MCC: variants seen among roughly 807,000 people sequenced by gnomAD.
The protein encoded by MCC is MCC regulator of Wnt signaling pathway, also known as colorectal mutant cancer protein.
In MCC, 90 loss-of-function variants were observed where a neutral mutation model predicts 116.2. The observed-to-expected ratio is 0.77, with a 90% CI of 0.65 to 0.92. MCC has a LOEUF of 0.92. Ranked by LOEUF, MCC falls within the 40% of genes least tolerant of loss-of-function variation. The pLI is 0.00. For missense variants in MCC, 1,516 were observed against 1,312.2 expected (o/e 1.16, Z -2.40); for synonymous variants, 578 against 510.5 (o/e 1.13, Z -1.78).
intron 3 of MCC, among the ~76,000 whole-genome samples, chr5:113,334,568 C>G: frequency 6.9e-6 from 1 of 144,588 alleles, no homozygotes; most frequent in South Asian, 2.2e-4. Flanking sequence ...TTGGAAGTGA[C>G]AATTCAAGGT....
At chr5:113,082,150 G>C (rs552423646) in intron 11 of MCC, among the ~76,000 whole-genome samples, 1 of 152,304 alleles carries the variant, frequency 6.6e-6, no homozygotes, top group South Asian at 2.1e-4. Flanking sequence ...TTTGCCAACA[G>C]GCAAAAGGGC....
chr5:113,248,082 A>C (rs1480991768), intron 3 of MCC, among the ~76,000 whole-genome samples: 2 of 152,124 alleles, frequency 1.3e-5, no homozygotes, highest in African/African-American at 2.4e-5. Context: ...GAAAAGCCTC[A>C]AAAGGAAGCT....
At chr5:113,238,744 G>C (rs982460613) in intron 3 of MCC, among the ~76,000 whole-genome samples, 2 of 152,152 alleles carry the variant, frequency 1.3e-5, no homozygotes, top group African/African-American at 4.8e-5. Flanking sequence ...TTCTTACCAT[G>C]GTTTGCCTCG....
At chr5:113,420,492 T>C (rs1405603175) in intron 1 of MCC, among the ~76,000 whole-genome samples, 1 of 152,192 alleles carries the variant, frequency 6.6e-6, no homozygotes, top group Non-Finnish European at 1.5e-5. Context: ...GGATCATCTC[T>C]ATGAAATAAA....
intron 13 of MCC, among the ~76,000 whole-genome samples, chr5:113,066,212 C>T (rs1017151742): frequency 2.6e-5 from 4 of 152,158 alleles, no homozygotes; most frequent in Admixed American, 2.6e-4. Context: ...TGAGTAGGTA[C>T]ATGCCTAATG....
chr5:113,178,543 A>G (rs1761454342), intron 3 of MCC, among the ~76,000 whole-genome samples: 1 of 152,140 alleles, frequency 6.6e-6, no homozygotes, highest in Non-Finnish European at 1.5e-5. Context: ...ACAAGTGGCC[A>G]CTCAACCACA....
At position 113,476,084 on chromosome 5, in the gene MCC, G is replaced by C. The variant is rs1177695757; in HGVS notation, c.170+12161C>G. ...CTGTGGGCCAGAGGAAAAATCAAAA[G>C]TACCCTGAAAAACATAGTTACTAAA... On this transcript the variant is annotated intron_variant, in intron 1 of 18. Transcript: ENST00000408903. Among the ~76,000 whole-genome samples the C allele has an allele frequency of 3.3e-5, 5 of 152,196 alleles. No individual in the cohort carries two copies. The East Asian group carries it at 9.6e-4, about 29-fold the overall frequency.
chr5:113,240,676 A>G (rs1764331254), intron 3 of MCC, among the ~76,000 whole-genome samples: 1 of 152,198 alleles, frequency 6.6e-6, no homozygotes, highest in Non-Finnish European at 1.5e-5. Flanking sequence ...TGCCAACTGT[A>G]ACAGGATTTC....
At chr5:113,341,318 C>T (rs1285168278) in intron 2 of MCC, among the ~76,000 whole-genome samples, 1 of 151,882 alleles carries the variant, frequency 6.6e-6, no homozygotes, top group Non-Finnish European at 1.5e-5. Flanking sequence ...TAGCCTCAAC[C>T]TCCTGGGTCA....
intron 2 of MCC, among the ~76,000 whole-genome samples, chr5:113,365,643 T>A (rs1487752720): frequency 1.3e-5 from 2 of 152,346 alleles, no homozygotes; most frequent in African/African-American, 4.8e-5. Context: ...ATTCTTGCAT[T>A]GCTATAAAGA....
intron 11 of MCC, among the ~76,000 whole-genome samples, chr5:113,081,462 T>G (rs1754852184): frequency 6.6e-6 from 1 of 152,170 alleles, no homozygotes; most frequent in Non-Finnish European, 1.5e-5. Context: ...TATTTCCCCC[T>G]TCTTTGGTCT....
intron 3 of MCC, among the ~76,000 whole-genome samples, chr5:113,296,638 G>C (rs1415098493): frequency 1.3e-5 from 2 of 152,134 alleles, no homozygotes; most frequent in South Asian, 2.1e-4. Flanking sequence ...GTGAGAAAGG[G>C]GGGTTGGTGT....
At chr5:113,178,937 C>T (rs1252839074) in intron 3 of MCC, among the ~76,000 whole-genome samples, 2 of 151,526 alleles carry the variant, frequency 1.3e-5, no homozygotes, top group Non-Finnish European at 2.9e-5. Flanking sequence ...AATATTTACA[C>T]ATACTCTAAG....
intron 1 of MCC, among the ~76,000 whole-genome samples, chr5:113,438,653 A>T (rs1013740335): frequency 5.3e-5 from 8 of 152,184 alleles, no homozygotes; most frequent in Admixed American, 2.0e-4. Flanking sequence ...AGTATAATAT[A>T]GATCTATTAT....
chr5:113,461,475 A>C (rs1268568487), intron 1 of MCC, among the ~76,000 whole-genome samples: 1 of 152,036 alleles, frequency 6.6e-6, no homozygotes, highest in African/African-American at 2.4e-5. Context: ...TATATGCCAC[A>C]ACTCTATGCT....
intron 1 of MCC, among the ~76,000 whole-genome samples, chr5:113,396,592 C>T (rs540239717): frequency 8.5e-5 from 13 of 152,104 alleles, no homozygotes; most frequent in East Asian, 7.7e-4. Flanking sequence ...GTTGAGATCG[C>T]GCCTCTGCAC....
intron 3 of MCC, among the ~76,000 whole-genome samples, chr5:113,297,316 A>G (rs78803477): frequency 0.15 from 22,846 of 152,080 alleles, 2,504 homozygotes; most frequent in Admixed American, 0.28. Flanking sequence ...CAGCCTAGCC[A>G]ACATGGTAAA....
rs561774005 is a variant in MCC at position 113,268,415 on chromosome 5, C to T, written c.627+72104G>A. The stretch of plus-strand genomic sequence containing the variant: ...ACAGAAAGGCCCTTAGGATGTACCA[C>T]TGTCATCAATTTCCCTTGAACATTC... On this transcript the variant is annotated intron_variant, in intron 3 of 18. Coordinates refer to ENST00000408903, the MANE Select transcript of MCC (RefSeq NM_001085377.2). Among the ~76,000 whole-genome samples, 9 of 152,334 alleles carry T rather than the reference C, an allele frequency of 5.9e-5. No individual in the cohort carries two copies. The South Asian group carries it at 1.7e-3, about 28-fold the overall frequency.
At chr5:113,307,467 T>C (rs903684024) in intron 3 of MCC, among the ~76,000 whole-genome samples, 1 of 152,256 alleles carries the variant, frequency 6.6e-6, no homozygotes, top group Non-Finnish European at 1.5e-5. Flanking sequence ...ATGTACAGAA[T>C]TGCAATTGAT....
Sources: gnomAD v4.1 joint callset for allele counts (sites outside exome capture counted in the v4.1 genomes callset) on GRCh38, gnomAD v4.1.1 for gene constraint, MANE v1.5 for transcripts, NCBI Gene and HGNC (gene_info 2026-07-23, HGNC 2026-07-21) for gene names.